Variants in ATRNL1 observed in about 807,000 individuals in gnomAD.
ATRNL1 encodes attractin-like protein 1.
A neutral mutation model predicts 182.7 loss-of-function variants in ATRNL1; 95 were observed. That is an observed-to-expected ratio of 0.52 (90% CI 0.44 to 0.62). ATRNL1 has a LOEUF of 0.62. ATRNL1 is among the 20% of genes least tolerant of loss of function. The pLI is 0.00. For missense variants in ATRNL1, 1,471 were observed against 1,679.5 expected, an observed-to-expected ratio of 0.88 and a Z score of 2.17; for synonymous variants, 576 against 568.3, an observed-to-expected ratio of 1.01 and a Z score of -0.19.
chr10:115,502,324 A>G (rs1554980273), intron 24 of ATRNL1, among the ~76,000 whole-genome samples: 1 of 152,138 alleles, frequency 6.6e-6, no homozygotes, highest in Admixed American at 6.5e-5. Context: ...TAATTAGGTT[A>G]GAAAAAGACA....
intron 21 of ATRNL1, among the ~76,000 whole-genome samples, chr10:115,433,078 T>A (rs746650287): frequency 1.3e-5 from 2 of 152,100 alleles, no homozygotes; most frequent in Non-Finnish European, 2.9e-5. Flanking sequence ...ACATTTTATT[T>A]CATCTTTTAC....
chr10:115,831,057 G>C (rs147751518), intron 27 of ATRNL1, among the ~76,000 whole-genome samples: 1 of 151,662 alleles, frequency 6.6e-6, no homozygotes, highest in African/African-American at 2.4e-5. Flanking sequence ...ATTTTTCCAC[G>C]TTTTCTGGAA....
chr10:115,329,721 G>T (rs10885690), intron 18 of ATRNL1, among the ~76,000 whole-genome samples: 1 of 152,154 alleles, frequency 6.6e-6, no homozygotes. Context: ...TTCCATTTGC[G>T]TGCAATATGT....
intron 26 of ATRNL1, among the ~76,000 whole-genome samples, chr10:115,603,796 T>G: frequency 6.6e-6 from 1 of 152,176 alleles, no homozygotes; most frequent in South Asian, 2.1e-4. Context: ...ATCATTTTCC[T>G]TACTCCTGAA....
At chr10:115,156,641 CTG>C (rs1473742954) in intron 5 of ATRNL1, among the ~76,000 whole-genome samples, 3 of 152,052 alleles carry the variant, frequency 2.0e-5, no homozygotes, top group Non-Finnish European at 4.4e-5. Flanking sequence ...TTTTTTAAAA[CTG>C]TGCATAACCT....
chr10:115,138,181 G>A (rs1030760119), intron 5 of ATRNL1, among the ~76,000 whole-genome samples: 2 of 152,314 alleles, frequency 1.3e-5, no homozygotes, highest in East Asian at 3.9e-4. Context: ...GGCTTTGCAG[G>A]GTTTAGTCCC....
chr10:115,923,060 GATT>G (rs1210534822), intron 28 of ATRNL1, among the ~76,000 whole-genome samples: 1 of 152,076 alleles, frequency 6.6e-6, no homozygotes, highest in Non-Finnish European at 1.5e-5. Context: ...ATTTTTAAAA[GATT>G]ATTCTGTAGT....
chr10:115,790,400 A>C (rs1555081497), intron 27 of ATRNL1, among the ~76,000 whole-genome samples: 2 of 152,198 alleles, frequency 1.3e-5, no homozygotes. Context: ...CCTCTCAGAT[A>C]TCAAAAGGCT....
intron 18 of ATRNL1, among the ~76,000 whole-genome samples, chr10:115,332,869 C>T (rs920334196): frequency 6.6e-5 from 10 of 151,758 alleles, no homozygotes; most frequent in East Asian, 1.9e-4. Context: ...TTGTTTCTGT[C>T]GTTGATTAGC....
intron 5 of ATRNL1, among the ~76,000 whole-genome samples, chr10:115,132,886 T>G (rs562544691): frequency 1.1e-4 from 16 of 152,244 alleles, no homozygotes; most frequent in South Asian, 4.1e-4. Context: ...TAGGTTGCGT[T>G]TTCACTCTGA....
chr10:115,815,838 C>T (rs782115079), intron 27 of ATRNL1, among the ~76,000 whole-genome samples: 2 of 152,090 alleles, frequency 1.3e-5, no homozygotes, highest in African/African-American at 2.4e-5. Flanking sequence ...TACATTTTAT[C>T]TTCTCAGTGA....
At chr10:115,445,912 A>C (rs1846962848) in intron 21 of ATRNL1, among the ~76,000 whole-genome samples, 1 of 119,202 alleles carries the variant, frequency 8.4e-6, no homozygotes, top group Non-Finnish European at 1.8e-5. Flanking sequence ...TATTCATGTT[A>C]TAGCAGAAAT....
intron 15 of ATRNL1, among the ~76,000 whole-genome samples, chr10:115,296,437 G>A (rs1027476539): frequency 3.3e-5 from 5 of 152,148 alleles, no homozygotes; most frequent in Admixed American, 2.0e-4. Flanking sequence ...TGAAATTTTT[G>A]TATGGACACT....
At chr10:115,208,182 TA>T (rs1487220862) in intron 8 of ATRNL1, among the ~76,000 whole-genome samples, 2 of 152,120 alleles carry the variant, frequency 1.3e-5, no homozygotes, top group African/African-American at 2.4e-5. Context: ...TATTAGTTTC[TA>T]AAATTTTTGC....
chr10:115,265,348 T>G lies in ATRNL1; in HGVS notation c.1772+71T>G. The G allele has an allele frequency of 2.1e-6, 2 of 965,972 alleles. 1 individual carries two copies. The highest frequency in any genetic ancestry group is 3.4e-5 in the South Asian group (2 of 58,526). 59.8% of individuals were successfully genotyped at this position (965,972 alleles called of 1,614,324 possible). ...TCATACTATCCTCATATTCTGGTAT[T>G]CTTTTTGAAAATTATCATTGGTACT... On this transcript the variant is annotated intron_variant, in intron 11 of 28. Transcript: ENST00000355044.
intron 19 of ATRNL1, among the ~76,000 whole-genome samples, chr10:115,391,556 T>G (rs1447545543): frequency 6.6e-6 from 1 of 152,188 alleles, no homozygotes; most frequent in African/African-American, 2.4e-5. Flanking sequence ...AGTGTTGTGC[T>G]GCTTGGGCTT....
At chr10:115,228,236 C>A (rs929089273) in intron 9 of ATRNL1, among the ~76,000 whole-genome samples, 1 of 152,122 alleles carries the variant, frequency 6.6e-6, no homozygotes, top group African/African-American at 2.4e-5. Context: ...TCTGCTATCC[C>A]ACTCCTTCAG....
chr10:115,939,843 T>C (rs888515876), intron 28 of ATRNL1, among the ~76,000 whole-genome samples: 1 of 152,096 alleles, frequency 6.6e-6, no homozygotes, highest in Non-Finnish European at 1.5e-5. Context: ...CCAGAAGACC[T>C]CTCACCAGGA....
intron 26 of ATRNL1, among the ~76,000 whole-genome samples, chr10:115,688,021 C>A (rs1314087118): frequency 1.3e-5 from 2 of 151,988 alleles, no homozygotes; most frequent in Admixed American, 6.6e-5. Flanking sequence ...TTCTCTATAC[C>A]CATGAAATCA....
Sources: allele counts gnomAD v4.1 joint callset (sites outside exome capture counted in the v4.1 genomes callset), GRCh38; gene constraint gnomAD v4.1.1; transcripts MANE v1.5; gene names NCBI Gene and HGNC (gene_info 2026-07-23, HGNC 2026-07-21).